The following TEX2 variants were observed in gnomAD, a reference collection of about 807,000 sequenced individuals.
TEX2 encodes the protein testis-expressed protein 2.
In TEX2, 53 loss-of-function variants were observed where a neutral mutation model predicts 106.9. The observed-to-expected ratio is 0.50, with a 90% CI of 0.40 to 0.62. TEX2 has a LOEUF of 0.62. TEX2 is among the 20% of genes least tolerant of loss of function. TEX2 has a pLI of 0.00. For missense variants in TEX2, 1,207 were observed against 1,379.0 expected (o/e 0.88, Z 1.98); for synonymous variants, 523 against 534.8 (o/e 0.98, Z 0.30).
At chr17:64,253,194 A>G (rs1293634210) in intron 1 of TEX2, among the ~76,000 whole-genome samples, 1 of 152,150 alleles carries the variant, frequency 6.6e-6, no homozygotes, top group Non-Finnish European at 1.5e-5. Context: ...GGCTGGATGC[A>G]GTGGTGTGAT....
At position 64,214,006 on chromosome 17, in the gene TEX2, G is replaced by A. The variant is rs1555632225; in HGVS notation, c.212C>T (p.Ala71Val). Residue 71 changes from alanine to valine, a missense_variant, in exon 2 of 12, where the codon GCC becomes GTC. Physicochemically the swap from Ala to Val is moderately conservative, Grantham distance 64. Around this residue, in one of 3 missense-constraint regions of TEX2, gnomAD observed 1,067 missense variants for 1,193.6 expected, o/e 0.89. Transcript: ENST00000584379. ...DDQSIVTGLE[A>V]KEDLYLEPQV... ...GGGTTCAAGATAGAGGTCTTCCTTG[G>A]CTTCCAGCCCTGTTACAATGCTTTG... is the stretch of plus-strand genomic sequence containing the variant. 3 of 1,614,176 alleles carry A rather than the reference G, an allele frequency of 1.9e-6. No homozygotes were observed. The highest frequency in any genetic ancestry group is 2.5e-6 in the Non-Finnish European group (3 of 1,180,028).
chr17:64,172,380 T>A (rs1182318339), intron 6 of TEX2, among the ~76,000 whole-genome samples: 2 of 150,162 alleles, frequency 1.3e-5, no homozygotes, highest in African/African-American at 4.9e-5. Flanking sequence ...AAATAGCACA[T>A]CCTTTGATCT....
chr17:64,154,081 G>A (rs989833971), intron 9 of TEX2, among the ~76,000 whole-genome samples: 5 of 152,180 alleles, frequency 3.3e-5, no homozygotes, highest in African/African-American at 1.2e-4. Context: ...CAGAACATGA[G>A]GAAAAGTATG....
intron 5 of TEX2, among the ~76,000 whole-genome samples, chr17:64,187,696 C>T (rs2032127743): frequency 6.6e-6 from 1 of 152,116 alleles, no homozygotes; most frequent in Admixed American, 6.5e-5. Flanking sequence ...CTTGCTGTTC[C>T]TCGAATATTC....
In TEX2 at chr17:64,217,189, G is replaced by A. The variant is rs567493872; in HGVS notation, c.-25-2947C>T. ...GAGTGTGCTAGAACCAGAGACCATG[G>A]TTTGGGCTCTAGACAACCTATCAAG... On this transcript the variant is annotated intron_variant, in intron 1 of 11. Coordinates refer to ENST00000584379, the MANE Select transcript of TEX2 (RefSeq NM_001288732.2). The surrounding 1 kb of genome is among the most constrained non-coding windows in gnomAD (Gnocchi z 4.3). Among the ~76,000 whole-genome samples, 3 of 152,270 alleles carry A rather than the reference G, an allele frequency of 2.0e-5. No individual in the cohort carries two copies. The South Asian group carries it at 6.2e-4, about 32-fold the overall frequency.
chr17:64,189,392 A>G (rs2032210361), intron 4 of TEX2, among the ~76,000 whole-genome samples: 2 of 152,228 alleles, frequency 1.3e-5, no homozygotes, highest in Non-Finnish European at 2.9e-5. Flanking sequence ...TTCCTGGCCC[A>G]GGTGGGGAAG....
At chr17:64,234,464 G>A (rs782578007) in intron 1 of TEX2, among the ~76,000 whole-genome samples, 4 of 152,172 alleles carry the variant, frequency 2.6e-5, no homozygotes, top group Non-Finnish European at 4.4e-5. Flanking sequence ...GCCAAAACAG[G>A]AGCAGAACTT....
At chr17:64,226,508 C>T (rs1311223577) in intron 1 of TEX2, among the ~76,000 whole-genome samples, 1 of 152,164 alleles carries the variant, frequency 6.6e-6, no homozygotes, top group Non-Finnish European at 1.5e-5. Flanking sequence ...AAAACTTCCC[C>T]TTAGAAGGAC....
intron 1 of TEX2, among the ~76,000 whole-genome samples, chr17:64,242,763 G>T (rs1200117674): frequency 6.6e-6 from 1 of 152,054 alleles, no homozygotes; most frequent in African/African-American, 2.4e-5. Context: ...CATAATACAG[G>T]CACGCAATGC....
In TEX2 at chr17:64,161,516, G is replaced by A. The variant is rs185981466; in HGVS notation, c.2672-583C>T. Among the ~76,000 whole-genome samples the A allele has an allele frequency of 7.2e-5, 11 of 152,240 alleles. No individual in the cohort carries two copies. The East Asian group carries it at 2.1e-3, about 29-fold the overall frequency. ...TTCTTTCTGGAAACTGCCCACTGAT[G>A]GGAACCAAAGAATTAACTTTCAATT... On this transcript the variant is annotated intron_variant, in intron 7 of 11. Transcript: ENST00000584379.
intron 8 of TEX2, among the ~76,000 whole-genome samples, 155 bp downstream of exon 8, chr17:64,160,646 G>A (rs545335263): frequency 6.6e-6 from 1 of 152,126 alleles, no homozygotes. Context: ...ATGAGACTAG[G>A]AAACCATTCC....
chr17:64,261,223 CA>C (rs368841536), intron 1 of TEX2, among the ~76,000 whole-genome samples: 3 of 151,940 alleles, frequency 2.0e-5, no homozygotes, highest in Non-Finnish European at 2.9e-5. Flanking sequence ...CCTTTAAAAA[CA>C]AAAAAACCCT....
intron 1 of TEX2, among the ~76,000 whole-genome samples, chr17:64,239,875 C>CAAAAAAAAAAA (rs61705973): frequency 1.0e-4 from 3 of 29,648 alleles, no homozygotes; most frequent in African/African-American, 4.2e-4. Flanking sequence ...GACTCTGTCT[C>CAAAAAAAAAAA]AAAAAAAAAA....
rs139773252 is a variant in TEX2 at position 64,188,458 on chromosome 17, C to A, written c.2177-43G>T. ...GGGGCTATTCACACAATGAAGAAAACAACTGCAAAGTAAGCGGACTCCCTG... is the reference window on the plus strand; with the variant it reads ...GGGGCTATTCACACAATGAAGAAAAAAACTGCAAAGTAAGCGGACTCCCTG... On this transcript the variant is annotated intron_variant, in intron 4 of 11. Coordinates refer to ENST00000584379, the MANE Select transcript of TEX2 (RefSeq NM_001288732.2). The A allele has an allele frequency of 2.5e-6, 4 of 1,573,950 alleles. No homozygotes were observed. In the South Asian group the frequency reaches 4.5e-5, roughly 18 times the overall value.
intron 1 of TEX2, among the ~76,000 whole-genome samples, chr17:64,231,878 A>G (rs1466383993): frequency 9.2e-5 from 14 of 152,194 alleles, no homozygotes; most frequent in African/African-American, 3.1e-4. Context: ...AACACTTAAC[A>G]TATGTAAGCT....
chr17:64,152,331 C>T lies in TEX2; in HGVS notation c.3140+614G>A, dbSNP rs113102834. Reference sequence around the variant, plus strand: ...TTCATCACCCCCGACCCCTGAAATCCGGGGGGATGGGCCAGGCATAGCTAT... The same window carrying T: ...TTCATCACCCCCGACCCCTGAAATCTGGGGGGATGGGCCAGGCATAGCTAT... On this transcript the variant is annotated intron_variant, in intron 10 of 11. Coordinates refer to ENST00000584379, the MANE Select transcript of TEX2 (RefSeq NM_001288732.2). Among the ~76,000 whole-genome samples the T allele has an allele frequency of 8.3e-4, 126 of 152,214 alleles. 1 individual carries two copies. The highest frequency in any genetic ancestry group is 3.0e-3 in the African/African-American group (125 of 41,534).
chr17:64,216,166 G>T (rs1025350491), intron 1 of TEX2, among the ~76,000 whole-genome samples: 4 of 152,322 alleles, frequency 2.6e-5, no homozygotes, highest in African/African-American at 9.6e-5. Context: ...TCCAGGAACT[G>T]GCAGCAGCCA....
At chr17:64,161,199 T>A (rs889047624) in intron 7 of TEX2, among the ~76,000 whole-genome samples, 1 of 152,108 alleles carries the variant, frequency 6.6e-6, no homozygotes, top group Non-Finnish European at 1.5e-5. Context: ...CAAGTCAGCA[T>A]TGGAAGGGTC....
intron 2 of TEX2, among the ~76,000 whole-genome samples, chr17:64,196,964 G>A (rs9889894): frequency 0.21 from 29,641 of 140,118 alleles, 3,249 homozygotes; most frequent in African/African-American, 0.27. Context: ...ACGGAAATCA[G>A]GGAATAGTCA....
Sources: allele counts gnomAD v4.1 joint callset (sites outside exome capture counted in the v4.1 genomes callset), GRCh38; gene constraint gnomAD v4.1.1; regional missense constraint gnomAD v4.1.1; non-coding constraint Gnocchi (gnomAD v3.1); transcripts MANE v1.5; gene names NCBI Gene and HGNC (gene_info 2026-07-23, HGNC 2026-07-21).